GABBR2: variants seen among roughly 807,000 people sequenced by gnomAD.
GABBR2 encodes G-protein coupled receptor 51.
In GABBR2, 23 loss-of-function variants were observed where a neutral mutation model predicts 105.6. That is an observed-to-expected ratio of 0.22 (90% confidence interval 0.16 to 0.31). The LOEUF (loss-of-function observed/expected upper bound fraction) is 0.31. Among genes scored for constraint, GABBR2 ranks in the 10% least tolerant of loss-of-function variants. The pLI, the probability that GABBR2 is intolerant of heterozygous loss-of-function variation, is 1.00. For missense variants in GABBR2, 734 were observed against 1,245.5 expected (o/e 0.59, Z 6.18); for synonymous variants, 478 against 499.7 (o/e 0.96, Z 0.58).
intron 17 of GABBR2, among the ~76,000 whole-genome samples, chr9:98,295,746 G>A (rs1341266622): frequency 6.6e-6 from 1 of 152,242 alleles, no homozygotes; most frequent in Middle Eastern, 3.4e-3. Context: ...GGATGGTCTC[G>A]ATCTCTTGAC....
At chr9:98,648,116 T>TGTATAGATAGATAGATAGATAGATAG in intron 1 of GABBR2, among the ~76,000 whole-genome samples, 9 of 55,950 alleles carry the variant, frequency 1.6e-4, no homozygotes, top group South Asian at 1.9e-3. Context: ...TGTGTGTGTG[T>TGTATAGATAGATAGATAGATAGATAG]ATAGATAGAT....
chr9:98,382,308 C>T (rs1831991305), intron 11 of GABBR2, among the ~76,000 whole-genome samples: 2 of 152,134 alleles, frequency 1.3e-5, no homozygotes, highest in Non-Finnish European at 2.9e-5. Context: ...AGTTGCCAAA[C>T]TTGCCCCCAG....
intron 1 of GABBR2, among the ~76,000 whole-genome samples, chr9:98,623,195 C>T (rs1025438058): frequency 1.2e-4 from 18 of 152,182 alleles, no homozygotes; most frequent in Non-Finnish European, 2.1e-4. Context: ...GAGGCCGAGG[C>T]AGTTTGATTG....
chr9:98,309,171 C>T (rs1221421228), intron 14 of GABBR2, among the ~76,000 whole-genome samples: 5 of 152,198 alleles, frequency 3.3e-5, no homozygotes, highest in African/African-American at 1.2e-4. Context: ...AGCATTTGTG[C>T]TATTAAATAT....
rs527794981 is a variant in GABBR2 at position 98,510,643 on chromosome 9, G to T, written c.631-14129C>A. On this transcript the variant is annotated intron_variant, in intron 3 of 18. Transcript: ENST00000259455. ...ATCCTAGTCTCTGATAAAACAGACT[G>T]TAAACCAACAAAGATCAAAAGAGAC... 4.0e-4 allele frequency among the ~76,000 whole-genome samples: 59 copies of T among 149,336 alleles called. 1 individual carries two copies. In the South Asian group the frequency reaches 0.012, roughly 30 times the overall value.
chr9:98,369,149 T>G (rs1831733468), intron 12 of GABBR2, among the ~76,000 whole-genome samples: 1 of 152,188 alleles, frequency 6.6e-6, no homozygotes, highest in African/African-American at 2.4e-5. Flanking sequence ...TGAGGAACAC[T>G]GGGGTGGCCA....
chr9:98,518,970 A>T (rs1827815593), intron 3 of GABBR2, among the ~76,000 whole-genome samples: 1 of 152,210 alleles, frequency 6.6e-6, no homozygotes, highest in Admixed American at 6.5e-5. Context: ...AAACTGTGCT[A>T]AACTAAGCAG....
intron 11 of GABBR2, among the ~76,000 whole-genome samples, chr9:98,372,223 C>T (rs771425548): frequency 6.6e-6 from 1 of 152,222 alleles, no homozygotes; most frequent in Non-Finnish European, 1.5e-5. Context: ...CTGGCCACCA[C>T]CTGTTAGGTC....
chr9:98,355,181 AC>A (rs1459644974), intron 13 of GABBR2, among the ~76,000 whole-genome samples: 1 of 152,180 alleles, frequency 6.6e-6, no homozygotes, highest in Non-Finnish European at 1.5e-5. Context: ...GGTTTGTGGT[AC>A]CCCAAAACAA....
At chr9:98,409,201 C>T (rs926133446) in intron 7 of GABBR2, among the ~76,000 whole-genome samples, 2 of 152,130 alleles carry the variant, frequency 1.3e-5, no homozygotes, top group Non-Finnish European at 2.9e-5. Flanking sequence ...GGTCACATTG[C>T]CCCCAGAGAC....
intron 1 of GABBR2, among the ~76,000 whole-genome samples, chr9:98,624,931 G>A (rs970664226): frequency 7.2e-5 from 11 of 152,296 alleles, no homozygotes; most frequent in Admixed American, 6.5e-4. Context: ...GGATCAGCCT[G>A]TTGCTCCACA....
intron 1 of GABBR2, among the ~76,000 whole-genome samples, chr9:98,685,277 C>T (rs911829417): frequency 6.6e-6 from 1 of 152,234 alleles, no homozygotes; most frequent in Non-Finnish European, 1.5e-5. Context: ...CTCAGGCCTT[C>T]GGCCACAGAC....
chr9:98,452,981 A>G (rs1025928333), intron 7 of GABBR2, among the ~76,000 whole-genome samples: 1 of 152,314 alleles, frequency 6.6e-6, no homozygotes, highest in Non-Finnish European at 1.5e-5. Flanking sequence ...CCAGCCCACC[A>G]TCTGGTAAAC....
intron 3 of GABBR2, among the ~76,000 whole-genome samples, chr9:98,523,466 G>T (rs1827904034): frequency 6.6e-6 from 1 of 152,214 alleles, no homozygotes; most frequent in East Asian, 1.9e-4. Context: ...CAATCAAGTA[G>T]CTGCTTTAAG....
chr9:98,436,346 AC>A (rs1825913450), intron 7 of GABBR2, among the ~76,000 whole-genome samples: 1 of 19,356 alleles, frequency 5.2e-5, no homozygotes, highest in Non-Finnish European at 9.3e-5. Flanking sequence ...ACACACACAC[AC>A]CATATATATA....
intron 13 of GABBR2, among the ~76,000 whole-genome samples, chr9:98,335,779 CCACATTA>C (rs1167529358): frequency 6.6e-6 from 1 of 152,224 alleles, no homozygotes; most frequent in Non-Finnish European, 1.5e-5. Flanking sequence ...TACTGAGCAA[CCACATTA>C]CCTACTCAGC....
intron 9 of GABBR2, among the ~76,000 whole-genome samples, chr9:98,389,897 G>C (rs1832148302): frequency 6.6e-6 from 1 of 152,092 alleles, no homozygotes; most frequent in African/African-American, 2.4e-5. Flanking sequence ...AGGGGTATGT[G>C]GAATCAGCCG....
At position 98,541,749 on chromosome 9, in the gene GABBR2, G is replaced by A. The variant is rs545797197; in HGVS notation, c.630+124C>T. ...TGTCAACGGTGAAACAGCTTTGATC[G>A]CACTAACCAACACATGCTTAAAAGC... is the stretch of plus-strand genomic sequence containing the variant. On this transcript the variant is annotated intron_variant, in intron 3 of 18. Transcript: ENST00000259455. 27 of 792,860 alleles carry A rather than the reference G, an allele frequency of 3.4e-5. No individual in the cohort carries two copies. In the Admixed American group the frequency reaches 4.3e-4, roughly 13 times the overall value. 49.1% of individuals were successfully genotyped at this position (792,860 alleles called of 1,614,324 possible).
At chr9:98,312,953 C>T (rs7022133) in intron 13 of GABBR2, among the ~76,000 whole-genome samples, 33,527 of 152,046 alleles carry the variant, frequency 0.22, 3,891 homozygotes, top group Middle Eastern at 0.34. Context: ...TTTCACCATG[C>T]TGGCCAGGCC....
Sources: gnomAD v4.1 joint callset for allele counts (sites outside exome capture counted in the v4.1 genomes callset) on GRCh38, gnomAD v4.1.1 for gene constraint, MANE v1.5 for transcripts, NCBI Gene and HGNC (gene_info 2026-07-23, HGNC 2026-07-21) for gene names.